MEP1A: variants seen among roughly 807,000 people sequenced by gnomAD.
MEP1A encodes the protein meprin A subunit alpha.
MEP1A carries 68 observed loss-of-function variants against 84.5 expected under a neutral mutation model. That is an observed-to-expected ratio of 0.80 (90% confidence interval 0.66 to 0.98). MEP1A has a LOEUF of 0.98. Ranked by LOEUF, MEP1A falls within the 50% of genes least tolerant of loss-of-function variation. MEP1A has a pLI of 0.00. For synonymous variants in MEP1A, 337 were observed against 336.8 expected, an observed-to-expected ratio of 1.00 and a Z score of -0.01; for missense variants, 887 against 919.9, an observed-to-expected ratio of 0.96 and a Z score of 0.46.
chr6:46,819,228 G>A (rs572441138), intron 6 of MEP1A, among the ~76,000 whole-genome samples: 23 of 152,300 alleles, frequency 1.5e-4, no homozygotes, highest in Admixed American at 8.5e-4. Context: ...GAGAAGGAAT[G>A]CCAATGTTTA....
intron 6 of MEP1A, among the ~76,000 whole-genome samples, chr6:46,813,288 C>A (rs1447258560): frequency 1.3e-5 from 2 of 152,052 alleles, no homozygotes; most frequent in African/African-American, 4.8e-5. Context: ...ATCATTGGGT[C>A]AACCATGAAA....
At chr6:46,814,248 A>C (rs1030502006) in intron 6 of MEP1A, among the ~76,000 whole-genome samples, 3 of 152,030 alleles carry the variant, frequency 2.0e-5, no homozygotes, top group Non-Finnish European at 1.5e-5. Context: ...CATTTAAAAA[A>C]TTTTTTTGTT....
chr6:46,811,364 T>C (rs935234926), intron 6 of MEP1A, among the ~76,000 whole-genome samples: 7 of 152,084 alleles, frequency 4.6e-5, no homozygotes, highest in Non-Finnish European at 1.0e-4. Context: ...TTCTAGGAGC[T>C]TTTTGGATGA....
chr6:46,841,892 G>A (rs1054384516), downstream of MEP1A, among the ~76,000 whole-genome samples: 3 of 152,208 alleles, frequency 2.0e-5, no homozygotes, highest in Admixed American at 6.5e-5. Flanking sequence ...ATTGTTGCGG[G>A]AAGTCAGGGA....
At chr6:46,809,700 T>C (rs546904402) in intron 6 of MEP1A, among the ~76,000 whole-genome samples, 163 bp downstream of exon 6, 11 of 152,214 alleles carry the variant, frequency 7.2e-5, no homozygotes, top group African/African-American at 2.6e-4. Context: ...GTTTTTTCCA[T>C]TCCTGAGTTA....
intron 5 of MEP1A, among the ~76,000 whole-genome samples, chr6:46,807,772 A>AAAGAAAGAAAGAAAGAAAGG (rs1213371994): frequency 1.0e-3 from 42 of 41,002 alleles, no homozygotes; most frequent in African/African-American, 2.8e-3. Flanking sequence ...GGGAGAAAGG[A>AAAGAAAGAAAGAAAGAAAGG]AAGAAAGAAA....
chr6:46,806,842 T>C (rs574742660), intron 5 of MEP1A, among the ~76,000 whole-genome samples: 2 of 152,166 alleles, frequency 1.3e-5, no homozygotes. Flanking sequence ...GAGTTCTCTT[T>C]CTTGCATTGA....
chr6:46,797,293 T>C (rs1445475299), intron 3 of MEP1A, among the ~76,000 whole-genome samples: 1 of 152,214 alleles, frequency 6.6e-6, no homozygotes, highest in Non-Finnish European at 1.5e-5. Flanking sequence ...CTGTCTGAAG[T>C]TGTTGCATTT....
At chr6:46,818,776 C>G (rs1476307937) in intron 6 of MEP1A, among the ~76,000 whole-genome samples, 1 of 152,086 alleles carries the variant, frequency 6.6e-6, no homozygotes, top group Non-Finnish European at 1.5e-5. Flanking sequence ...TAATGAGGAT[C>G]TTTTTATGAT....
intron 6 of MEP1A, among the ~76,000 whole-genome samples, chr6:46,813,858 A>G (rs1187602850): frequency 6.6e-6 from 1 of 152,126 alleles, no homozygotes; most frequent in Non-Finnish European, 1.5e-5. Context: ...TGTTTTGTTT[A>G]AGGAGGTTAA....
At chr6:46,801,738 T>C (rs1293523089) in intron 5 of MEP1A, among the ~76,000 whole-genome samples, 3 of 152,096 alleles carry the variant, frequency 2.0e-5, no homozygotes, top group Non-Finnish European at 4.4e-5. Flanking sequence ...TTGTATGGTT[T>C]CAATTTTTGT....
At chr6:46,807,359 CA>C (rs1451535716) in intron 5 of MEP1A, among the ~76,000 whole-genome samples, 1 of 151,382 alleles carries the variant, frequency 6.6e-6, no homozygotes, top group African/African-American at 2.4e-5. Flanking sequence ...AAGGAGCTAA[CA>C]GTATCTTAAG....
chr6:46,800,334 T>C (rs1767166466), intron 5 of MEP1A, among the ~76,000 whole-genome samples: 1 of 152,176 alleles, frequency 6.6e-6, no homozygotes, highest in African/African-American at 2.4e-5. Flanking sequence ...GACTTTAATG[T>C]GCATAGGACT....
At chr6:46,809,653 CTT>C (rs74476481) in intron 6 of MEP1A, 116 bp downstream of exon 6, 11,594 of 633,606 alleles carry the variant, frequency 0.018, 155 homozygotes, top group Non-Finnish European at 0.026. Flanking sequence ...GTCCTCATAA[CTT>C]AGCTCCCACA....
chr6:46,833,995 G>C (rs1417738045), intron 11 of MEP1A, among the ~76,000 whole-genome samples: 2 of 101,810 alleles, frequency 2.0e-5, no homozygotes, highest in Admixed American at 1.0e-4. Flanking sequence ...TTTTTTTTTT[G>C]AGATGGAGTC....
rs1766983522 is a variant in MEP1A at position 46,793,659 on chromosome 6, T to C, written c.95-7T>C. The stretch of plus-strand genomic sequence containing the variant: ...CTAATAATAATTTTTTTTCTCACTT[T>C]TAACAGTACATGATGCAGATTTTGG... On this transcript the variant is annotated splice_polypyrimidine_tract_variant and splice_region_variant and intron_variant, in intron 2 of 13. Coordinates refer to ENST00000230588, the MANE Select transcript of MEP1A (RefSeq NM_005588.3). The C allele has an allele frequency of 2.5e-6, 4 of 1,608,050 alleles. No individual in the cohort carries two copies. The highest frequency in any genetic ancestry group is 3.4e-6 in the Non-Finnish European group (4 of 1,176,132).
intron 6 of MEP1A, among the ~76,000 whole-genome samples, chr6:46,810,094 G>T (rs1562108167): frequency 6.6e-6 from 1 of 151,882 alleles, no homozygotes; most frequent in Non-Finnish European, 1.5e-5. Flanking sequence ...GTGTAAAAGT[G>T]TTCCCTTTTC....
intron 5 of MEP1A, among the ~76,000 whole-genome samples, chr6:46,805,249 T>C (rs149507931): frequency 4.4e-4 from 67 of 152,042 alleles, no homozygotes; most frequent in African/African-American, 1.4e-3. Flanking sequence ...AATGTGCTGG[T>C]ACCATTTTAT....
chr6:46,801,945 C>T (rs1305580424), intron 5 of MEP1A, among the ~76,000 whole-genome samples: 2 of 151,852 alleles, frequency 1.3e-5, no homozygotes, highest in African/African-American at 4.8e-5. Context: ...CTCTGTTTTC[C>T]TATCTTATTC....
Sources: allele counts gnomAD v4.1 joint callset (sites outside exome capture counted in the v4.1 genomes callset), GRCh38; gene constraint gnomAD v4.1.1; transcripts MANE v1.5; gene names NCBI Gene and HGNC (gene_info 2026-07-23, HGNC 2026-07-21).